CR1: variants seen among roughly 807,000 people sequenced by gnomAD.
CR1 encodes complement receptor type 1.
In CR1, 116 loss-of-function variants were observed where a neutral mutation model predicts 187.3. The ratio of observed to expected loss-of-function variants is 0.62; its 90% CI spans 0.53 to 0.72. The LOEUF (loss-of-function observed/expected upper bound fraction) is 0.72. CR1 is among the 30% of genes least tolerant of loss of function. The pLI is 0.00. For missense variants in CR1, 1,731 were observed against 2,110.7 expected, an observed-to-expected ratio of 0.82 and a Z score of 3.52; for synonymous variants, 576 against 747.1, an observed-to-expected ratio of 0.77 and a Z score of 3.73.
At chr1:207,632,530 T>G (rs576176983) in intron 46 of CR1, among the ~76,000 whole-genome samples, 93 of 152,326 alleles carry the variant, frequency 6.1e-4, no homozygotes, top group African/African-American at 2.1e-3. Context: ...GGCTCACGCC[T>G]GTAATCCCAG....
At chr1:207,587,328 G>A (rs1309563754) in intron 33 of CR1, 58 bp from the exon 34 acceptor site, 1 of 1,430,156 alleles carries the variant, frequency 7.0e-7, no homozygotes, top group African/African-American at 1.4e-5. Flanking sequence ...AAGAGAAAGA[G>A]GAGGTAGGGT....
chr1:207,588,817 G>T (rs1403277772), intron 35 of CR1, 43 bp downstream of exon 35: 1 of 1,385,328 alleles, frequency 7.2e-7, no homozygotes, highest in Admixed American at 2.0e-5. Flanking sequence ...TTCCAGAACA[G>T]CAGAGCCAAC....
chr1:207,598,612 GT>G (rs1181875512), intron 35 of CR1, among the ~76,000 whole-genome samples: 1 of 152,102 alleles, frequency 6.6e-6, no homozygotes, highest in Non-Finnish European at 1.5e-5. Flanking sequence ...TAGAGACAGG[GT>G]TTCACCATGT....
chr1:207,624,841 C>T (rs145613224), intron 45 of CR1, among the ~76,000 whole-genome samples: 37 of 152,174 alleles, frequency 2.4e-4, no homozygotes, highest in African/African-American at 7.2e-4. Context: ...ATTACTACTA[C>T]GTCTGAATTA....
intron 40 of CR1, among the ~76,000 whole-genome samples, chr1:207,615,209 G>C (rs1396249439): frequency 6.6e-6 from 1 of 152,090 alleles, no homozygotes; most frequent in Admixed American, 6.6e-5. Flanking sequence ...CCATGTGCCA[G>C]GACTTTCCAT....
Position 207,607,461 on chromosome 1 carries a change from G to A in CR1, c.5896+125G>A, listed in dbSNP as rs878896477. The A allele has an allele frequency of 8.7e-6, 6 of 692,988 alleles. No homozygotes were observed. In the South Asian group the frequency reaches 1.1e-4, roughly 12 times the overall value. 42.9% of individuals were successfully genotyped at this position (692,988 alleles called of 1,614,324 possible). ...CTCAGATATTTGAAAATAGGAGTCAGATGCTTCATGGTCTTCCTGGCTTTT... is the reference window on the plus strand; with the variant it reads ...CTCAGATATTTGAAAATAGGAGTCAAATGCTTCATGGTCTTCCTGGCTTTT... On this transcript the variant is annotated intron_variant, in intron 36 of 46. Transcript: ENST00000367049.
At chr1:207,520,508 T>A (rs1448084370) in intron 4 of CR1, among the ~76,000 whole-genome samples, 8 of 152,142 alleles carry the variant, frequency 5.3e-5, no homozygotes, top group Non-Finnish European at 1.0e-4. Context: ...GGCTGATGGG[T>A]CCCCTTCTCT....
intron 1 of CR1, among the ~76,000 whole-genome samples, chr1:207,505,600 C>A (rs2102335474): frequency 6.6e-6 from 1 of 152,100 alleles, no homozygotes; most frequent in Non-Finnish European, 1.5e-5. Flanking sequence ...CTTTGGGAGG[C>A]CAAAGTGGGT....
intron 27 of CR1, among the ~76,000 whole-genome samples, chr1:207,574,453 G>C (rs1329377223): frequency 2.6e-5 from 4 of 152,042 alleles, no homozygotes; most frequent in Non-Finnish European, 5.9e-5. Flanking sequence ...CACAAAAATT[G>C]TACCATTTAA....
At chr1:207,596,211 C>T (rs759179500) in intron 35 of CR1, among the ~76,000 whole-genome samples, 3 of 151,824 alleles carry the variant, frequency 2.0e-5, no homozygotes, top group Non-Finnish European at 2.9e-5. Context: ...AGCATTATTA[C>T]GTTAAAGTGA....
At chr1:207,634,070 T>A (rs903979475) in intron 46 of CR1, among the ~76,000 whole-genome samples, 1 of 152,150 alleles carries the variant, frequency 6.6e-6, no homozygotes, top group Non-Finnish European at 1.5e-5. Flanking sequence ...TGTGGTGGAA[T>A]GTCATCAGTA....
intron 46 of CR1, among the ~76,000 whole-genome samples, chr1:207,632,335 G>C (rs1662669471): frequency 6.6e-6 from 1 of 151,876 alleles, no homozygotes; most frequent in Admixed American, 6.6e-5. Flanking sequence ...ATATACCAAG[G>C]GGATATAAAA....
chr1:207,600,148 T>C (rs1035478868), intron 35 of CR1, among the ~76,000 whole-genome samples: 1 of 152,178 alleles, frequency 6.6e-6, no homozygotes, highest in Non-Finnish European at 1.5e-5. Context: ...CATTTACAAA[T>C]ACGTGCTATA....
chr1:207,621,229 C>T (rs1042901288), intron 43 of CR1, among the ~76,000 whole-genome samples: 5 of 151,878 alleles, frequency 3.3e-5, no homozygotes, highest in African/African-American at 9.7e-5. Flanking sequence ...GAGCCGAGAT[C>T]GCTCCATTGC....
At chr1:207,580,097 T>G in intron 29 of CR1, 143 bp from the exon 30 acceptor site, 1 of 1,193,110 alleles carries the variant, frequency 8.4e-7, no homozygotes, top group Non-Finnish European at 1.2e-6. Flanking sequence ...CCTCATGCCC[T>G]GTAGATTTAC....
chr1:207,503,072 G>A (rs1407985654), intron 1 of CR1, among the ~76,000 whole-genome samples: 2 of 152,180 alleles, frequency 1.3e-5, no homozygotes, highest in African/African-American at 4.8e-5. Flanking sequence ...TTAACTCTTA[G>A]AAGTCCCCTT....
In CR1 at chr1:207,597,750, T is replaced by C. The variant is rs149522668; in HGVS notation, c.5810+8976T>C. On this transcript the variant is annotated intron_variant, in intron 35 of 46. Coordinates refer to ENST00000367049, the MANE Select transcript of CR1 (RefSeq NM_000651.6). ...ACCAGCAATTCTGCTCCTAGGCATA[T>C]ACCTAAAGAAATTGAAAACAAGGAC... is the stretch of plus-strand genomic sequence containing the variant. 3.6e-3 allele frequency among the ~76,000 whole-genome samples: 545 copies of C among 152,310 alleles called. 6 individuals are homozygous for C. Among genetic ancestry groups the C allele is most frequent in the African/African-American group, 0.013 (527 of 41,570 alleles).
At chr1:207,572,660 G>A (rs1237103979) in intron 27 of CR1, among the ~76,000 whole-genome samples, 2 of 149,506 alleles carry the variant, frequency 1.3e-5, no homozygotes, top group African/African-American at 5.0e-5. Flanking sequence ...TATATTTGAG[G>A]AATGTCTGTA....
intron 45 of CR1, among the ~76,000 whole-genome samples, chr1:207,630,032 C>A (rs1279353265): frequency 6.6e-6 from 1 of 152,114 alleles, no homozygotes; most frequent in Non-Finnish European, 1.5e-5. Flanking sequence ...TTTCTTTTTA[C>A]TGTTAGTTCT....
Sources: gnomAD v4.1 joint callset for allele counts (sites outside exome capture counted in the v4.1 genomes callset) on GRCh38, gnomAD v4.1.1 for gene constraint, MANE v1.5 for transcripts, NCBI Gene and HGNC (gene_info 2026-07-23, HGNC 2026-07-21) for gene names.